The following ITPK1 variants were observed in gnomAD, a reference collection of about 807,000 sequenced individuals.
ITPK1 encodes inositol-tetrakisphosphate 1-kinase.
ITPK1 carries 21 observed loss-of-function variants against 45.3 expected under a neutral mutation model. The observed-to-expected ratio is 0.46, with a 90% CI of 0.33 to 0.67. The LOEUF (loss-of-function observed/expected upper bound fraction) is 0.67. ITPK1 is among the 30% of genes least tolerant of loss of function. ITPK1 has a pLI of 0.02. For missense variants in ITPK1, 474 were observed against 573.5 expected (o/e 0.83, Z 1.77); for synonymous variants, 258 against 253.6 (o/e 1.02, Z -0.16).
intron 3 of ITPK1, among the ~76,000 whole-genome samples, chr14:93,049,097 G>A (rs998894354): frequency 1.3e-5 from 2 of 152,196 alleles, no homozygotes; most frequent in East Asian, 3.8e-4. Flanking sequence ...AAGGGACAGT[G>A]TAGACAATGA....
intron 3 of ITPK1, among the ~76,000 whole-genome samples, chr14:93,051,100 G>A (rs956589364): frequency 1.3e-5 from 2 of 152,038 alleles, no homozygotes; most frequent in Non-Finnish European, 2.9e-5. Context: ...CCAATCAAAC[G>A]GTGATGGCCA....
At chr14:92,993,826 T>C in intron 5 of ITPK1, 54 bp downstream of exon 5, 1 of 1,184,942 alleles carries the variant, frequency 8.4e-7, no homozygotes, top group Non-Finnish European at 1.3e-6. Flanking sequence ...GTGGCCACTT[T>C]GTGACCACAA....
At chr14:93,005,594 A>T (rs1249660693) in intron 4 of ITPK1, among the ~76,000 whole-genome samples, 1 of 152,170 alleles carries the variant, frequency 6.6e-6, no homozygotes, top group Non-Finnish European at 1.5e-5. Context: ...AACTGATTAG[A>T]GACGCTTCCT....
chr14:93,108,668 CACTGTCATTGGG>C (rs1163610944), intron 2 of ITPK1, among the ~76,000 whole-genome samples: 1 of 152,260 alleles, frequency 6.6e-6, no homozygotes, highest in African/African-American at 2.4e-5. Flanking sequence ...CTCTCCCATT[CACTGTCATTGGG>C]ACTGACATAT....
At chr14:93,055,391 C>T (rs1369285040) in intron 3 of ITPK1, among the ~76,000 whole-genome samples, 1 of 152,178 alleles carries the variant, frequency 6.6e-6, no homozygotes, top group African/African-American at 2.4e-5. Flanking sequence ...GTTCCCAAAT[C>T]CCACACCAGC....
At chr14:93,056,664 C>T (rs563737187) in intron 3 of ITPK1, among the ~76,000 whole-genome samples, 1 of 152,314 alleles carries the variant, frequency 6.6e-6, no homozygotes, top group South Asian at 2.1e-4. Flanking sequence ...CCAGCCCATT[C>T]CAGAACCTTC....
chr14:93,100,532 A>AGGAG lies in ITPK1; in HGVS notation c.95+14533_95+14536dup, dbSNP rs1399589186. On this transcript the variant is annotated intron_variant, in intron 2 of 10. Transcript: ENST00000267615. ...AGCAGGGAGGGGGCCGGGGGGAGAG[A>AGGAG]GGAGGGAGAGAGAGAGAGAGAGAGA... Among the ~76,000 whole-genome samples the AGGAG allele has an allele frequency of 5.9e-4, 89 of 150,494 alleles. 1 individual carries two copies. The highest frequency in any genetic ancestry group is 1.9e-3 in the African/African-American group (80 of 41,086).
At chr14:93,062,932 C>T (rs1299756751) in intron 3 of ITPK1, among the ~76,000 whole-genome samples, 1 of 152,168 alleles carries the variant, frequency 6.6e-6, no homozygotes, top group Non-Finnish European at 1.5e-5. Context: ...AGCGATCCGG[C>T]GGAATATTTG....
At position 92,940,582 on chromosome 14, in the gene ITPK1, C is replaced by A; in HGVS notation, c.*979G>T. ...AACCCACTGGGAAGAGGGCCCCGAT[C>A]TCCATGGTGTCATGCCGAGGCTCCC... On this transcript the variant is annotated 3_prime_UTR_variant, in exon 11 of 11. Transcript: ENST00000267615. 3.4e-6 allele frequency: 4 copies of A among 1,183,626 alleles called. No individual in the cohort carries two copies. The East Asian group carries it at 1.9e-4, about 55-fold the overall frequency. 73.3% of individuals were successfully genotyped at this position (1,183,626 alleles called of 1,614,324 possible).
intron 7 of ITPK1, among the ~76,000 whole-genome samples, chr14:92,961,256 C>T (rs1000494876): frequency 1.3e-5 from 2 of 152,208 alleles, no homozygotes; most frequent in Non-Finnish European, 2.9e-5. Flanking sequence ...AGACAAGGCC[C>T]CAGGTGTGGC....
chr14:92,983,259 C>T (rs1886318263), intron 5 of ITPK1, among the ~76,000 whole-genome samples: 1 of 152,144 alleles, frequency 6.6e-6, no homozygotes, highest in South Asian at 2.1e-4. Flanking sequence ...CCTTCTGGAC[C>T]CAGGCAGACG....
chr14:92,970,469 T>C (rs1326951428), intron 5 of ITPK1, among the ~76,000 whole-genome samples: 2 of 152,148 alleles, frequency 1.3e-5, no homozygotes, highest in Non-Finnish European at 2.9e-5. Flanking sequence ...TATGTGTGCC[T>C]CCGACACCGG....
chr14:93,075,181 G>T (rs1891166904), intron 3 of ITPK1, among the ~76,000 whole-genome samples: 1 of 151,798 alleles, frequency 6.6e-6, no homozygotes, highest in Non-Finnish European at 1.5e-5. Context: ...ACAAAAACCA[G>T]CTGGGTGTGG....
rs751900642 is a variant in ITPK1, at chr14:92,941,855, G to A, written c.951C>T (p.Ala317=). ...EFFTDLLNHI[A]TVLQGQSTAM... is the part of the protein sequence containing the mutation. The stretch of plus-strand genomic sequence containing the variant: ...CTGTGCTCTGGCCCTGCAGGACAGT[G>A]GCGATGTGGTTCAGGAGGTCTGTGA... The change falls in exon 11 of 11, where the codon GCC becomes GCT. Residue 317 remains alanine, a synonymous_variant. Transcript: ENST00000267615. 1 of 1,612,682 alleles carries A rather than the reference G, an allele frequency of 6.2e-7. No individual in the cohort carries two copies. Among genetic ancestry groups the A allele is most frequent in the South Asian group, 1.1e-5 (1 of 91,042 alleles).
chr14:92,999,938 A>T (rs1456631243), intron 4 of ITPK1, among the ~76,000 whole-genome samples: 1 of 152,136 alleles, frequency 6.6e-6, no homozygotes, highest in Admixed American at 6.5e-5. Flanking sequence ...GCAACCACAC[A>T]TCTACTTTCT....
chr14:93,115,010 CGGGGGTCACCGGGCTCGGGCCG>C, intron 2 of ITPK1, 37 bp downstream of exon 2: 1 of 979,144 alleles, frequency 1.0e-6, no homozygotes, highest in Non-Finnish European at 1.5e-6. Flanking sequence ...GGGCTCGGGC[CGGGGGTCACCGGGCTCGGGCCG>C]GGGGTCCCCG....
intron 3 of ITPK1, among the ~76,000 whole-genome samples, chr14:93,057,166 G>A (rs111347865): frequency 0.036 from 5,421 of 152,282 alleles, 333 homozygotes; most frequent in African/African-American, 0.12. Context: ...TGACTCCCCA[G>A]GGTCACAAGG....
chr14:92,955,020 G>T (rs1214735991), intron 8 of ITPK1, among the ~76,000 whole-genome samples: 3 of 152,216 alleles, frequency 2.0e-5, no homozygotes, highest in Non-Finnish European at 2.9e-5. Context: ...AGGAAGCTGG[G>T]TGCCTGCCTA....
rs1037515726 is a variant in ITPK1 at position 93,034,451 on chromosome 14, T to C, written c.121-17650A>G. On this transcript the variant is annotated intron_variant, in intron 3 of 10. Transcript: ENST00000267615. The surrounding 1 kb of genome is among the most constrained non-coding windows in gnomAD (Gnocchi z 4.1). Reference sequence around the variant, plus strand: ...GACTCCGGCCCCTCTGCCCAGTCTGTGCCTTCACTCCTGTATTTCTGTGCT... The same window carrying C: ...GACTCCGGCCCCTCTGCCCAGTCTGCGCCTTCACTCCTGTATTTCTGTGCT... Among the ~76,000 whole-genome samples, 1 of 152,200 alleles carries C rather than the reference T, an allele frequency of 6.6e-6. No homozygotes were observed. Among genetic ancestry groups the C allele is most frequent in the African/African-American group, 2.4e-5 (1 of 41,442 alleles).
Sources: gnomAD v4.1 joint callset for allele counts (sites outside exome capture counted in the v4.1 genomes callset) on GRCh38, gnomAD v4.1.1 for gene constraint, Gnocchi (gnomAD v3.1) non-coding constraint, MANE v1.5 for transcripts, NCBI Gene and HGNC (gene_info 2026-07-23, HGNC 2026-07-21) for gene names.